DAB1: variants seen among roughly 807,000 people sequenced by gnomAD.
DAB1 encodes the protein disabled homolog 1.
In DAB1, 15 loss-of-function variants were observed where a neutral mutation model predicts 64.6. That is an observed-to-expected ratio of 0.23 (90% CI 0.16 to 0.36). The LOEUF (loss-of-function observed/expected upper bound fraction) is 0.36, where lower values mean the gene tolerates loss of function less well. Ranked by LOEUF, DAB1 falls within the 10% of genes least tolerant of loss-of-function variation. The pLI, the probability that DAB1 is intolerant of heterozygous loss-of-function variation, is 1.00. For missense variants in DAB1, 596 were observed against 706.7 expected (o/e 0.84, Z 1.78); for synonymous variants, 235 against 251.9 (o/e 0.93, Z 0.64).
intron 5 of DAB1, among the ~76,000 whole-genome samples, chr1:57,921,376 AT>A: frequency 6.6e-6 from 1 of 152,240 alleles, no homozygotes; most frequent in African/African-American, 2.4e-5. Flanking sequence ...TATTATTTTA[AT>A]TGTTTTTACC....
rs1649750396 is a variant in DAB1, at chr1:57,775,410, A to G, written n.551+108589T>C. On this transcript the variant is annotated intron_variant and non_coding_transcript_variant, in intron 6 of 20. Coordinates refer to the DAB1 transcript ENST00000485760. The stretch of plus-strand genomic sequence containing the variant: ...TTCTAATATAAGTATTTAAAGATAT[A>G]TATTTCCCTTTAAGCACTGTTTTAG... Among the ~76,000 whole-genome samples the G allele has an allele frequency of 2.6e-5, 4 of 151,784 alleles. No homozygotes were observed. The South Asian group carries it at 8.3e-4, about 31-fold the overall frequency.
intron 1 of DAB1, among the ~76,000 whole-genome samples, chr1:57,373,104 G>A (rs1263422386): frequency 6.6e-6 from 1 of 152,188 alleles, no homozygotes; most frequent in African/African-American, 2.4e-5. Flanking sequence ...AGGATCCCAT[G>A]AGCCTGGGAG....
At chr1:57,282,201 A>AAAC (rs1671964745) in intron 2 of DAB1, among the ~76,000 whole-genome samples, 1 of 104,468 alleles carries the variant, frequency 9.6e-6, no homozygotes, top group Non-Finnish European at 2.0e-5. Flanking sequence ...AAAAAAAAAA[A>AAAC]AAAAAAAAAA....
chr1:57,522,434 A>G (rs1053681884), intron 7 of DAB1, among the ~76,000 whole-genome samples: 11 of 152,052 alleles, frequency 7.2e-5, no homozygotes, highest in African/African-American at 2.7e-4. Context: ...AAAATATAAG[A>G]CCTCAACCCT....
At chr1:58,045,640 C>A (rs1355565364) in intron 5 of DAB1, among the ~76,000 whole-genome samples, 1 of 152,064 alleles carries the variant, frequency 6.6e-6, no homozygotes, top group East Asian at 1.9e-4. Context: ...TCCAGGGAAG[C>A]TTTGACCCTT....
chr1:57,452,166 C>CTTTTTTTTT (rs78592207), intron 7 of DAB1, among the ~76,000 whole-genome samples: 1 of 75,010 alleles, frequency 1.3e-5, no homozygotes, highest in Non-Finnish European at 2.3e-5. Context: ...TGCACCCCCC[C>CTTTTTTTTT]TTTTTTTTTT....
intron 5 of DAB1, among the ~76,000 whole-genome samples, chr1:58,102,191 C>T (rs1382089243): frequency 6.6e-6 from 1 of 152,224 alleles, no homozygotes; most frequent in Admixed American, 6.5e-5. Flanking sequence ...AGTTATTGGG[C>T]TCCAAGGCCC....
At chr1:58,216,716 G>A (rs184248078) in intron 4 of DAB1, among the ~76,000 whole-genome samples, 18 of 152,004 alleles carry the variant, frequency 1.2e-4, no homozygotes, top group Non-Finnish European at 2.1e-4. Context: ...TTTAATGATC[G>A]CCATTCTAAC....
At chr1:58,190,780 C>T (rs941847177) in intron 4 of DAB1, among the ~76,000 whole-genome samples, 2 of 152,190 alleles carry the variant, frequency 1.3e-5, no homozygotes, top group Non-Finnish European at 2.9e-5. Context: ...AATAGCAAAT[C>T]GGCAAGACCG....
chr1:57,015,312 T>C lies in DAB1; in HGVS notation c.1015A>G (p.Ile339Val), dbSNP rs1455196581. The change falls in exon 12 of 15, where the codon ATC becomes GTC. Residue 339 changes from isoleucine (I) to valine (V), a missense_variant. Around this residue, in one of 3 missense-constraint regions of DAB1, gnomAD observed 377 missense variants for 400.4 expected, o/e 0.94. Coordinates refer to ENST00000371236, the MANE Select transcript of DAB1 (RefSeq NM_001365792.1). ...VAQVMPGAQP[I>V]AWGQPGLFPA... ...AAGAGACCCGGCTGGCCCCATGCGA[T>C]GGGCTGAGCCCCCGGCATCACCTGA... The C allele has an allele frequency of 6.2e-7, 1 of 1,613,972 alleles. No homozygotes were observed. Among genetic ancestry groups the C allele is most frequent in the Non-Finnish European group, 8.5e-7 (1 of 1,180,032 alleles).
At chr1:58,041,278 A>G (rs996075524) in intron 5 of DAB1, among the ~76,000 whole-genome samples, 2 of 152,186 alleles carry the variant, frequency 1.3e-5, no homozygotes, top group Admixed American at 6.6e-5. Context: ...CGATTGGCTT[A>G]CTTGTCTCTC....
intron 6 of DAB1, among the ~76,000 whole-genome samples, chr1:57,712,454 G>A (rs916371861): frequency 6.6e-6 from 1 of 152,128 alleles, no homozygotes; most frequent in Non-Finnish European, 1.5e-5. Flanking sequence ...CATACTTTTT[G>A]GGAATTGTGT....
At chr1:58,495,878 T>C (rs542398384) in intron 3 of DAB1, among the ~76,000 whole-genome samples, 1 of 152,336 alleles carries the variant, frequency 6.6e-6, no homozygotes, top group Non-Finnish European at 1.5e-5. Context: ...TCCAGAGTCA[T>C]TCTTACTCTT....
At chr1:57,462,687 C>G (rs376580412) in intron 7 of DAB1, among the ~76,000 whole-genome samples, 2 of 152,124 alleles carry the variant, frequency 1.3e-5, no homozygotes, top group African/African-American at 4.8e-5. Flanking sequence ...AGTTAACATG[C>G]ACATGGACAC....
At chr1:58,424,589 C>G (rs1233194881) in intron 3 of DAB1, among the ~76,000 whole-genome samples, 2 of 152,152 alleles carry the variant, frequency 1.3e-5, no homozygotes, top group Admixed American at 1.3e-4. Flanking sequence ...TCGAGGAAAA[C>G]CTAGAGTAGT....
chr1:58,335,830 G>T (rs934065835), intron 4 of DAB1, among the ~76,000 whole-genome samples: 1 of 152,186 alleles, frequency 6.6e-6, no homozygotes, highest in Non-Finnish European at 1.5e-5. Flanking sequence ...CAATTTAGTA[G>T]ATACGATCCA....
rs114775766 is a variant in DAB1 at position 58,327,081 on chromosome 1, C to T, written n.309+16271G>A. Among the ~76,000 whole-genome samples the T allele has an allele frequency of 7.5e-3, 1,141 of 152,234 alleles. 12 individuals carry two copies. The highest frequency in any genetic ancestry group is 0.021 in the African/African-American group (867 of 41,548). On this transcript the variant is annotated intron_variant and non_coding_transcript_variant, in intron 4 of 20. Transcript: ENST00000485760. The stretch of plus-strand genomic sequence containing the variant: ...CATTACTAACTAGTGCCTATTATTC[C>T]TGTCATTTGATTAAAATTTTCCACA...
intron 5 of DAB1, among the ~76,000 whole-genome samples, chr1:58,035,985 T>C (rs1188021104): frequency 6.6e-6 from 1 of 152,174 alleles, no homozygotes; most frequent in Non-Finnish European, 1.5e-5. Context: ...TGATGTTAAA[T>C]AGGAGCTTGA....
chr1:58,043,615 A>G (rs890821343), intron 5 of DAB1, among the ~76,000 whole-genome samples: 4 of 152,170 alleles, frequency 2.6e-5, no homozygotes, highest in Non-Finnish European at 5.9e-5. Context: ...TCCTCTTTGG[A>G]GCTCTGGGAG....
Sources: gnomAD v4.1 joint callset for allele counts (sites outside exome capture counted in the v4.1 genomes callset) on GRCh38, gnomAD v4.1.1 for gene constraint, gnomAD v4.1.1 regional missense constraint, MANE v1.5 for transcripts, NCBI Gene and HGNC (gene_info 2026-07-23, HGNC 2026-07-21) for gene names.